The following KIAA1958 variants were observed in gnomAD, a reference collection of about 807,000 sequenced individuals.
The protein encoded by KIAA1958 is uncharacterized protein KIAA1958.
A neutral mutation model predicts 47.2 loss-of-function variants in KIAA1958; 14 were observed. That is an observed-to-expected ratio of 0.30 (90% CI 0.20 to 0.46). The LOEUF (loss-of-function observed/expected upper bound fraction) is 0.46. Among genes scored for constraint, KIAA1958 ranks in the 20% least tolerant of loss-of-function variants. The probability of loss-of-function intolerance (pLI) is 1.00; values close to 1 mark genes in which losing one functional copy is unlikely to be tolerated. For missense variants in KIAA1958, 803 were observed against 909.2 expected, an observed-to-expected ratio of 0.88 and a Z score of 1.50; for synonymous variants, 354 against 353.3, an observed-to-expected ratio of 1.00 and a Z score of -0.02.
At chr9:112,508,137 A>C (rs1834262282) in intron 1 of KIAA1958, among the ~76,000 whole-genome samples, 1 of 152,196 alleles carries the variant, frequency 6.6e-6, no homozygotes, top group South Asian at 2.1e-4. Flanking sequence ...CTTTCTTTTA[A>C]GAATAGAAAC....
intron 2 of KIAA1958, among the ~76,000 whole-genome samples, chr9:112,605,057 T>TTA (rs1025750887): frequency 2.0e-5 from 3 of 147,848 alleles, no homozygotes; most frequent in South Asian, 2.1e-4. Context: ...TATATTTATA[T>TTA]TATATATATA....
chr9:112,641,382 TCTCGCTATG>T (rs1836887456), intron 2 of KIAA1958, among the ~76,000 whole-genome samples: 2 of 150,246 alleles, frequency 1.3e-5, no homozygotes, highest in Non-Finnish European at 1.5e-5. Context: ...ATCTGATTCT[TCTCGCTATG>T]TTGACAGCTC....
chr9:112,592,120 A>G (rs771441124), intron 2 of KIAA1958, among the ~76,000 whole-genome samples: 4 of 152,198 alleles, frequency 2.6e-5, no homozygotes, highest in African/African-American at 7.2e-5. Context: ...GGTAACTGGA[A>G]TGAGTTAGGG....
chr9:112,579,432 A>G (rs1191052098), intron 2 of KIAA1958, among the ~76,000 whole-genome samples: 2 of 152,112 alleles, frequency 1.3e-5, no homozygotes, highest in South Asian at 4.2e-4. Flanking sequence ...TTACAGTTAG[A>G]ATACCTTTTG....
chr9:112,537,504 A>G (rs1467435414), intron 1 of KIAA1958, among the ~76,000 whole-genome samples: 1 of 152,248 alleles, frequency 6.6e-6, no homozygotes, highest in Non-Finnish European at 1.5e-5. Flanking sequence ...CAAATAGAAA[A>G]TATGCTCTCA....
chr9:112,639,747 A>G (rs999355646), intron 2 of KIAA1958, among the ~76,000 whole-genome samples: 5 of 152,178 alleles, frequency 3.3e-5, no homozygotes, highest in African/African-American at 1.2e-4. Flanking sequence ...CAATTCTCCT[A>G]TGCAGATGCC....
At chr9:112,629,065 T>C (rs540622970) in intron 2 of KIAA1958, among the ~76,000 whole-genome samples, 1 of 152,314 alleles carries the variant, frequency 6.6e-6, no homozygotes, top group East Asian at 1.9e-4. Context: ...TTCAACAAGG[T>C]CTTCCATCCT....
intron 1 of KIAA1958, among the ~76,000 whole-genome samples, chr9:112,547,013 A>G (rs60966290): frequency 0.01 from 589 of 57,260 alleles, 5 homozygotes; most frequent in African/African-American, 0.046. Flanking sequence ...GTGATCTGCA[A>G]CCTACGCCTC....
chr9:112,640,520 C>T (rs574287220), intron 2 of KIAA1958, among the ~76,000 whole-genome samples: 18 of 152,210 alleles, frequency 1.2e-4, no homozygotes, highest in African/African-American at 3.9e-4. Flanking sequence ...GTCTCTCAAG[C>T]GCTGGCTGGC....
chr9:112,517,693 A>G (rs1167519520), intron 1 of KIAA1958, among the ~76,000 whole-genome samples: 5 of 152,232 alleles, frequency 3.3e-5, no homozygotes, highest in Non-Finnish European at 7.3e-5. Flanking sequence ...TTATACAACA[A>G]AAGATTTGTA....
intron 1 of KIAA1958, among the ~76,000 whole-genome samples, chr9:112,504,177 G>C (rs1375628436): frequency 6.7e-6 from 1 of 150,286 alleles, no homozygotes; most frequent in African/African-American, 2.4e-5. Context: ...AGAAGGAACT[G>C]TAGAGATTAT....
chr9:112,659,781 T>C lies in KIAA1958; in HGVS notation c.1863T>C (p.His621=). The C allele has an allele frequency of 6.2e-7, 1 of 1,614,106 alleles. No homozygotes were observed. Among genetic ancestry groups the C allele is most frequent in the Non-Finnish European group, 8.5e-7 (1 of 1,180,014 alleles). Reference sequence around the variant, plus strand: ...GTCACGGGAAGATCTACCATGAGCATTCCCGGGGACACAAACAGTGCCCTT... The same window carrying C: ...GTCACGGGAAGATCTACCATGAGCACTCCCGGGGACACAAACAGTGCCCTT... ...RVCHGKIYHE[H]SRGHKQCPYC... The change falls in exon 4 of 4, where the codon CAT becomes CAC. Residue 621 remains histidine (H), a synonymous_variant. Coordinates refer to ENST00000337530, the MANE Select transcript of KIAA1958 (RefSeq NM_133465.4).
At chr9:112,587,351 T>C (rs1275649862) in intron 2 of KIAA1958, among the ~76,000 whole-genome samples, 1 of 152,138 alleles carries the variant, frequency 6.6e-6, no homozygotes, top group African/African-American at 2.4e-5. Flanking sequence ...GGTTTCACCA[T>C]GTTGGCCAGG....
intron 2 of KIAA1958, among the ~76,000 whole-genome samples, chr9:112,623,810 A>T (rs1377952646): frequency 2.0e-5 from 3 of 152,222 alleles, no homozygotes; most frequent in African/African-American, 4.8e-5. Flanking sequence ...GTCTAGGCAG[A>T]GGGACTGCCT....
At chr9:112,575,574 T>C in intron 2 of KIAA1958, among the ~76,000 whole-genome samples, 1 of 152,160 alleles carries the variant, frequency 6.6e-6, no homozygotes, top group South Asian at 2.1e-4. Flanking sequence ...TTTAAAAATA[T>C]GCTTCTCCAT....
intron 1 of KIAA1958, among the ~76,000 whole-genome samples, chr9:112,546,456 T>G (rs1444454370): frequency 1.3e-5 from 2 of 151,818 alleles, no homozygotes; most frequent in African/African-American, 4.8e-5. Context: ...GCTCTTCCTA[T>G]GCAGCTGCCA....
chr9:112,617,131 CAG>C (rs1338700149), intron 2 of KIAA1958, among the ~76,000 whole-genome samples: 1 of 151,708 alleles, frequency 6.6e-6, no homozygotes, highest in Non-Finnish European at 1.5e-5. Flanking sequence ...TAAAAAGAAA[CAG>C]TGGATCCTGG....
Position 112,659,475 on chromosome 9 carries a change from G to C in KIAA1958, c.1557G>C (p.Lys519Asn), listed in dbSNP as rs1247253153. 4 of 1,613,798 alleles carry C rather than the reference G, an allele frequency of 2.5e-6. No homozygotes were observed. The highest frequency in any genetic ancestry group is 3.4e-6 in the Non-Finnish European group (4 of 1,179,932). Residue 519 changes from lysine to asparagine, a missense_variant, in exon 4 of 4, where the codon AAG becomes AAC. Coordinates refer to ENST00000337530, the MANE Select transcript of KIAA1958 (RefSeq NM_133465.4). ...AGGAGAAGCTGTGGGTGCTGAGTAA[G>C]GCAGGCATGTCGGGCGCGCGTTCTC... ...KLKEKLWVLS[K>N]AGMSGARSRN...
At chr9:112,593,969 A>G (rs546111127) in intron 2 of KIAA1958, among the ~76,000 whole-genome samples, 20 of 152,122 alleles carry the variant, frequency 1.3e-4, no homozygotes, top group African/African-American at 4.8e-4. Flanking sequence ...GGCTCAAGCA[A>G]TCCTCCCACC....
Sources: allele counts gnomAD v4.1 joint callset (sites outside exome capture counted in the v4.1 genomes callset), GRCh38; gene constraint gnomAD v4.1.1; transcripts MANE v1.5; gene names NCBI Gene and HGNC (gene_info 2026-07-23, HGNC 2026-07-21).